PGLS: variants seen among roughly 807,000 people sequenced by gnomAD.
PGLS encodes the protein 6-phosphogluconolactonase, also known as epididymis secretory protein Li 304.
A neutral mutation model predicts 23.2 loss-of-function variants in PGLS; 21 were observed. The ratio of observed to expected loss-of-function variants is 0.91; its 90% CI spans 0.64 to 1.31. PGLS has a LOEUF of 1.31. PGLS is among the 50% of genes most tolerant of loss of function. PGLS has a pLI of 0.00. For missense variants in PGLS, 410 were observed against 354.0 expected, an observed-to-expected ratio of 1.16 and a Z score of -1.27; for synonymous variants, 179 against 165.4, an observed-to-expected ratio of 1.08 and a Z score of -0.63.
rs748266870 is a variant in PGLS, at chr19:17,521,037, G to T, written c.733G>T (p.Ala245Ser). ...KLCWFLDEAA[A>S]RLLTVPFEKH... ...GTGCTGGTTCTTGGACGAGGCGGCC[G>T]CCCGCCTCCTGACCGTGCCCTTCGA... Residue 245 changes from alanine (A) to serine (S), a missense_variant, in exon 5 of 5, where the codon GCC (alanine) becomes TCC (serine). Coordinates refer to ENST00000252603, the MANE Select transcript of PGLS (RefSeq NM_012088.3). 6.2e-7 allele frequency: 1 copy of T among 1,600,856 alleles called. No homozygotes were observed. Among genetic ancestry groups the T allele is most frequent in the Middle Eastern group, 1.7e-4 (1 of 6,040 alleles).
Position 17,514,869 on chromosome 19 carries a change from C to T in PGLS, c.289-1304C>T, listed in dbSNP as rs572944705. 5.3e-5 allele frequency among the ~76,000 whole-genome samples: 8 copies of T among 152,326 alleles called. No individual in the cohort carries two copies. In the East Asian group the frequency reaches 1.5e-3, roughly 29 times the overall value. ...ATTTCTCCATGTTGGTCAGGCTGGT[C>T]TCGAACTCCTGACCTCAGGTGATCC... On this transcript the variant is annotated intron_variant, in intron 1 of 4. Coordinates refer to ENST00000252603, the MANE Select transcript of PGLS (RefSeq NM_012088.3).
chr19:17,516,715 G>A (rs1292891979), intron 2 of PGLS, among the ~76,000 whole-genome samples: 1 of 151,928 alleles, frequency 6.6e-6, no homozygotes, highest in East Asian at 1.9e-4. Context: ...CTCCTGAGTA[G>A]CTGGGACTAC....
chr19:17,518,158 C>T (rs565320911), intron 4 of PGLS, among the ~76,000 whole-genome samples: 1 of 151,942 alleles, frequency 6.6e-6, no homozygotes, highest in South Asian at 2.1e-4. Context: ...TATTAAGTAG[C>T]AAACTATTGA....
At chr19:17,514,726 C>T (rs2075525082) in intron 1 of PGLS, among the ~76,000 whole-genome samples, 1 of 151,998 alleles carries the variant, frequency 6.6e-6, no homozygotes, top group African/African-American at 2.4e-5. Flanking sequence ...GATCTCAGCT[C>T]ACCACAACCT....
rs1599686312 is a variant in PGLS, at chr19:17,511,671, C to T, written c.-2C>T. The T allele has an allele frequency of 6.7e-7, 1 of 1,484,680 alleles. No individual in the cohort carries two copies. The highest frequency in any genetic ancestry group is 8.9e-7 in the Non-Finnish European group (1 of 1,126,108). 92.0% of individuals were successfully genotyped at this position (1,484,680 alleles called of 1,614,324 possible). ...TTCCTCCTCCCCGCCGCCGCCCTCG[C>T]CATGGCCGCGCCGGCCCCGGGCCTC... On this transcript the variant is annotated 5_prime_UTR_variant, in exon 1 of 5. Transcript: ENST00000252603.
At chr19:17,520,075 C>T (rs2075550036) in intron 4 of PGLS, among the ~76,000 whole-genome samples, 2 of 152,150 alleles carry the variant, frequency 1.3e-5, no homozygotes, top group Admixed American at 1.3e-4. Context: ...ATCACTTGAG[C>T]CTCAGAGATT....
intron 4 of PGLS, among the ~76,000 whole-genome samples, chr19:17,518,966 T>G (rs2075545407): frequency 6.6e-6 from 1 of 152,086 alleles, no homozygotes; most frequent in South Asian, 2.1e-4. Context: ...GAAATGTAAT[T>G]GCAACTGTGA....
rs1599686390 is a variant in PGLS, at chr19:17,511,701, C to A, written c.29C>A (p.Ser10Ter). The A allele has an allele frequency of 1.3e-6, 2 of 1,508,798 alleles. No homozygotes were observed. Among genetic ancestry groups the A allele is most frequent in the Non-Finnish European group, 1.8e-6 (2 of 1,135,512 alleles). The allele number at this position is 1,508,798 out of a possible 1,614,324, so 93.5% of individuals were successfully genotyped here. MAAPAPGLI[S>*]VFSSSQELGA... Reference sequence around the variant, plus strand: ...GCCGCGCCGGCCCCGGGCCTCATCTCGGTGTTCTCGAGTTCCCAGGAGCTG... The same window carrying A: ...GCCGCGCCGGCCCCGGGCCTCATCTAGGTGTTCTCGAGTTCCCAGGAGCTG... Residue 10 changes from serine to a stop codon, truncating the protein, a stop_gained, in exon 1 of 5, where the codon TCG becomes TAG. Transcript: ENST00000252603. LOFTEE classifies it high-confidence loss of function.
intron 1 of PGLS, chr19:17,512,249 C>T: frequency 2.3e-6 from 1 of 439,734 alleles, no homozygotes; most frequent in Non-Finnish European, 4.1e-6. Flanking sequence ...GCCTGCACCT[C>T]GACTACGGGG....
chr19:17,511,710 C>T lies in PGLS; in HGVS notation c.38C>T (p.Ser13Leu). The T allele has an allele frequency of 6.6e-7, 1 of 1,510,476 alleles. No homozygotes were observed. The highest frequency in any genetic ancestry group is 1.2e-5 in the South Asian group (1 of 82,366). 93.6% of individuals were successfully genotyped at this position (1,510,476 alleles called of 1,614,324 possible). Residue 13 changes from serine (S) to leucine (L), a missense_variant, in exon 1 of 5, where the codon TCG becomes TTG. By Grantham distance (145) the Ser-to-Leu change is moderately radical. Transcript: ENST00000252603. ...GCCCCGGGCCTCATCTCGGTGTTCT[C>T]GAGTTCCCAGGAGCTGGGTGCGGCG... ...APAPGLISVF[S>L]SSQELGAALA...
chr19:17,516,411 C>G, intron 2 of PGLS, 131 bp downstream of exon 2: 10 of 1,441,734 alleles, frequency 6.9e-6, no homozygotes, highest in Non-Finnish European at 9.2e-6. Context: ...TTTGAGGAAT[C>G]CCCTCTTCGA....
chr19:17,517,674 G>A, intron 3 of PGLS, 36 bp from the exon 4 acceptor site: 4 of 1,611,412 alleles, frequency 2.5e-6, no homozygotes, highest in East Asian at 2.2e-5. Context: ...AAGTGACATT[G>A]TCCTTCTGCC....
Position 17,517,324 on chromosome 19 carries a change from C to G in PGLS, c.433C>G (p.Leu145Val), listed in dbSNP as rs2075537945. The G allele has an allele frequency of 6.2e-7, 1 of 1,614,062 alleles. No individual in the cohort carries two copies. The highest frequency in any genetic ancestry group is 8.5e-7 in the Non-Finnish European group (1 of 1,179,940). ...GGACTCCATCCCGGTTTTCGACCTG[C>G]TGATCCTGGGGGTGGGCCCCGATGG... ...QGDSIPVFDL[L>V]ILGVGPDGHT... is the part of the protein sequence containing the mutation. Residue 145 changes from leucine to valine, a missense_variant, in exon 3 of 5, where the codon CTG becomes GTG. Leu to Val is a conservative substitution (Grantham distance 32). Coordinates refer to ENST00000252603, the MANE Select transcript of PGLS (RefSeq NM_012088.3).
chr19:17,512,034 C>CTA, intron 1 of PGLS, 74 bp downstream of exon 1: 1 of 1,408,704 alleles, frequency 7.1e-7, no homozygotes, highest in Non-Finnish European at 9.4e-7. Flanking sequence ...GCTACGGAGG[C>CTA]CGCCGGGGGC....
intron 1 of PGLS, 199 bp downstream of exon 1, chr19:17,512,159 C>T: frequency 6.8e-6 from 4 of 589,946 alleles, no homozygotes; most frequent in South Asian, 2.3e-5. Context: ...CGCTGGGGGT[C>T]ATGCCAAGAG....
At chr19:17,515,898 C>T in intron 1 of PGLS, 1 of 327,918 alleles carries the variant, frequency 3.0e-6, no homozygotes, top group Non-Finnish European at 6.0e-6. Context: ...TCCAGCCCCC[C>T]AAGAGCAGCA....
chr19:17,516,751 AT>A (rs796286576), intron 2 of PGLS, among the ~76,000 whole-genome samples: 15 of 148,014 alleles, frequency 1.0e-4, no homozygotes, highest in East Asian at 4.0e-4. Flanking sequence ...CGCCTGGTTA[AT>A]TTTTTTGTAT....
chr19:17,516,315 T>C, intron 2 of PGLS, 35 bp downstream of exon 2: 3 of 1,591,708 alleles, frequency 1.9e-6, no homozygotes, highest in Non-Finnish European at 2.6e-6. Flanking sequence ...GGGAGTCACA[T>C]CCACGAAGCG....
intron 1 of PGLS, among the ~76,000 whole-genome samples, chr19:17,515,111 C>T (rs1310338999): frequency 1.3e-5 from 2 of 152,110 alleles, no homozygotes; most frequent in Admixed American, 6.6e-5. Flanking sequence ...TTATAAGCCT[C>T]GAGTTTATGG....
Sources: gnomAD v4.1 joint callset for allele counts (sites outside exome capture counted in the v4.1 genomes callset) on GRCh38, gnomAD v4.1.1 for gene constraint, MANE v1.5 for transcripts, NCBI Gene and HGNC (gene_info 2026-07-23, HGNC 2026-07-21) for gene names.